The following SH3BGRL2 variants were observed in gnomAD, a reference collection of about 807,000 sequenced individuals.
SH3BGRL2 encodes the protein SH3 domain binding glutamate rich protein like 2, also known as SH3 domain-binding glutamic acid-rich-like protein 2.
Under a neutral mutation model 14.8 loss-of-function variants are expected in SH3BGRL2, and 21 were observed. The ratio of observed to expected loss-of-function variants is 1.42; its 90% CI spans 1.01 to 2.05. The LOEUF (loss-of-function observed/expected upper bound fraction) is 2.05, where lower values mean the gene tolerates loss of function less well. Ranked by LOEUF, SH3BGRL2 falls within the 30% of genes most tolerant of loss-of-function variation. The pLI, the probability that SH3BGRL2 is intolerant of heterozygous loss-of-function variation, is 0.00. For missense variants in SH3BGRL2, 147 were observed against 130.8 expected, an observed-to-expected ratio of 1.12 and a Z score of -0.61; for synonymous variants, 50 against 47.8, an observed-to-expected ratio of 1.05 and a Z score of -0.19.
At chr6:79,697,469 A>G (rs1770354556) in intron 3 of SH3BGRL2, among the ~76,000 whole-genome samples, 1 of 152,206 alleles carries the variant, frequency 6.6e-6, no homozygotes, top group East Asian at 1.9e-4. Flanking sequence ...TTAAAATAGT[A>G]GGTCTTTTGA....
chr6:79,612,760 A>G, the SH3BGRL2 span, among the ~76,000 whole-genome samples: 1 of 152,200 alleles, frequency 6.6e-6, no homozygotes, highest in Non-Finnish European at 1.5e-5. Context: ...TCAAAAACCT[A>G]CTTGGTTTCA....
the SH3BGRL2 span, among the ~76,000 whole-genome samples, chr6:79,560,005 C>G: frequency 1.3e-5 from 2 of 150,476 alleles, no homozygotes; most frequent in Non-Finnish European, 3.0e-5. Context: ...GAGAAGAAGA[C>G]GAAGGAGGAG....
intron 2 of SH3BGRL2, among the ~76,000 whole-genome samples, chr6:79,683,189 A>G (rs1770023103): frequency 6.6e-6 from 1 of 152,166 alleles, no homozygotes; most frequent in African/African-American, 2.4e-5. Context: ...CTAGAACTTA[A>G]AGTATAATTT....
chr6:79,571,834 A>G, the SH3BGRL2 span, among the ~76,000 whole-genome samples: 2 of 152,168 alleles, frequency 1.3e-5, no homozygotes, highest in South Asian at 2.1e-4. Flanking sequence ...GTGTTCTGCA[A>G]TTTCTTATTT....
chr6:79,591,124 A>G, the SH3BGRL2 span, among the ~76,000 whole-genome samples: 12 of 152,196 alleles, frequency 7.9e-5, no homozygotes, highest in East Asian at 5.8e-4. Context: ...AGATAGTTCT[A>G]TATTTTTAGT....
At chr6:79,557,143 T>G in the SH3BGRL2 span, among the ~76,000 whole-genome samples, 3 of 151,928 alleles carry the variant, frequency 2.0e-5, no homozygotes, top group Non-Finnish European at 1.5e-5. Flanking sequence ...AACTGTAGAC[T>G]ACAAGGTGAC....
the SH3BGRL2 span, among the ~76,000 whole-genome samples, chr6:79,560,636 T>C: frequency 4.6e-5 from 7 of 152,264 alleles, no homozygotes; most frequent in East Asian, 1.4e-3. Flanking sequence ...AAATTTAATT[T>C]ATTGAGTTTA....
chr6:79,596,227 C>T, the SH3BGRL2 span, among the ~76,000 whole-genome samples: 12 of 152,316 alleles, frequency 7.9e-5, no homozygotes, highest in South Asian at 2.1e-4. Context: ...GGTGTGATCA[C>T]GGATTACTGC....
intron 1 of SH3BGRL2, among the ~76,000 whole-genome samples, chr6:79,656,286 A>G (rs75501904): frequency 6.6e-6 from 1 of 152,342 alleles, no homozygotes; most frequent in African/African-American, 2.4e-5. Flanking sequence ...TGCATCATCA[A>G]GGTGAGTCAA....
At chr6:79,670,875 T>C (rs1769758147) in intron 1 of SH3BGRL2, among the ~76,000 whole-genome samples, 1 of 152,172 alleles carries the variant, frequency 6.6e-6, no homozygotes, top group African/African-American at 2.4e-5. Context: ...GTAAGCAGAC[T>C]AGAGAAGGGC....
the SH3BGRL2 span, among the ~76,000 whole-genome samples, chr6:79,591,020 T>G: frequency 6.6e-6 from 1 of 152,226 alleles, no homozygotes; most frequent in African/African-American, 2.4e-5. Flanking sequence ...CAGTTTTGCT[T>G]TATACTCTAC....
At chr6:79,673,065 CAGAT>C (rs1327834629) in intron 1 of SH3BGRL2, among the ~76,000 whole-genome samples, 2 of 149,198 alleles carry the variant, frequency 1.3e-5, no homozygotes, top group East Asian at 2.0e-4. Context: ...GTCAACATCT[CAGAT>C]AGTCTATACG....
chr6:79,692,112 A>G (rs1378013175), intron 2 of SH3BGRL2, among the ~76,000 whole-genome samples: 1 of 152,186 alleles, frequency 6.6e-6, no homozygotes, highest in Non-Finnish European at 1.5e-5. Context: ...GCCAGTGATG[A>G]TGAGCATTTT....
chr6:79,552,908 A>C, the SH3BGRL2 span: 1 of 152,122 alleles, frequency 6.6e-6, no homozygotes. Flanking sequence ...GATGGTTCTC[A>C]TCATGCTAAA....
the SH3BGRL2 span, among the ~76,000 whole-genome samples, chr6:79,554,527 T>G: frequency 1.3e-5 from 2 of 152,228 alleles, no homozygotes; most frequent in Admixed American, 1.3e-4. Context: ...GAATGCTGAT[T>G]TGAAATTTGT....
At chr6:79,622,154 C>G in the SH3BGRL2 span, among the ~76,000 whole-genome samples, 1 of 152,108 alleles carries the variant, frequency 6.6e-6, no homozygotes, top group Non-Finnish European at 1.5e-5. Flanking sequence ...TCAGATTTGA[C>G]CAAACCTGCA....
intron 2 of SH3BGRL2, among the ~76,000 whole-genome samples, chr6:79,674,566 AAAG>A (rs1235833978): frequency 2.0e-5 from 3 of 152,202 alleles, no homozygotes; most frequent in Non-Finnish European, 4.4e-5. Context: ...AGGACGGTCT[AAAG>A]AAGAAGGAGC....
the SH3BGRL2 span, among the ~76,000 whole-genome samples, chr6:79,542,393 C>T: frequency 6.6e-6 from 1 of 151,914 alleles, no homozygotes; most frequent in African/African-American, 2.4e-5. Context: ...CCTCAGCCTC[C>T]TAGATAGTTG....
the SH3BGRL2 span, among the ~76,000 whole-genome samples, chr6:79,600,998 C>G: frequency 3.9e-4 from 60 of 152,160 alleles, no homozygotes; most frequent in African/African-American, 1.4e-3. Context: ...CAAGCTCTCT[C>G]TCTTCTCCCA....
Sources: gnomAD v4.1 joint callset for allele counts (sites outside exome capture counted in the v4.1 genomes callset) on GRCh38, gnomAD v4.1.1 for gene constraint, MANE v1.5 for transcripts, NCBI Gene and HGNC (gene_info 2026-07-23, HGNC 2026-07-21) for gene names.